CEP76: variants seen among roughly 807,000 people sequenced by gnomAD.
The protein encoded by CEP76 is centrosomal protein 76.
In CEP76, 55 loss-of-function variants were observed where a neutral mutation model predicts 83.3. The observed-to-expected ratio is 0.66, with a 90% CI of 0.53 to 0.83. The LOEUF (loss-of-function observed/expected upper bound fraction) is 0.83, where lower values mean the gene tolerates loss of function less well. CEP76 is among the 40% of genes least tolerant of loss of function. The pLI is 0.00. For synonymous variants in CEP76, 270 were observed against 274.5 expected, an observed-to-expected ratio of 0.98 and a Z score of 0.16; for missense variants, 694 against 799.5, an observed-to-expected ratio of 0.87 and a Z score of 1.59.
intron 6 of CEP76, among the ~76,000 whole-genome samples, chr18:12,693,361 T>C (rs1205081231): frequency 6.6e-6 from 1 of 151,404 alleles, no homozygotes; most frequent in African/African-American, 2.4e-5. Flanking sequence ...GAGTCTGAGG[T>C]TTCAGTGAGC....
At chr18:12,693,213 AAT>A (rs2039830697) in intron 6 of CEP76, among the ~76,000 whole-genome samples, 1 of 152,190 alleles carries the variant, frequency 6.6e-6, no homozygotes, top group Non-Finnish European at 1.5e-5. Flanking sequence ...AGAAATTATA[AAT>A]ATGACAGTGG....
At position 12,673,512 on chromosome 18, in the gene CEP76, G is replaced by GA. The variant is rs751437963; in HGVS notation, c.1842-10dup. On this transcript the variant is annotated splice_polypyrimidine_tract_variant and intron_variant, in intron 11 of 11. Transcript: ENST00000262127. ...CTTCACAGAAAGGAGATCTATTTAA[G>GA]AAAAAAAAAATTATTCAATTAAGAA... The GA allele has an allele frequency of 3.1e-3, 4,644 of 1,475,888 alleles. No individual in the cohort carries two copies. The highest frequency in any genetic ancestry group is 3.4e-3 in the Non-Finnish European group (3,721 of 1,099,598). 91.4% of individuals were successfully genotyped at this position (1,475,888 alleles called of 1,614,324 possible). A position where few individuals can be genotyped will look rare whatever the true frequency, so the allele number is the denominator to read the frequency against.
At chr18:12,693,643 C>T (rs943546239) in intron 6 of CEP76, among the ~76,000 whole-genome samples, 4 of 152,076 alleles carry the variant, frequency 2.6e-5, no homozygotes, top group Admixed American at 1.3e-4. Flanking sequence ...ATTAGCTGGG[C>T]GTGGTGGCAC....
At chr18:12,696,449 G>A (rs566603799) in intron 5 of CEP76, among the ~76,000 whole-genome samples, 227 of 152,202 alleles carry the variant, frequency 1.5e-3, no homozygotes, top group South Asian at 3.3e-3. Flanking sequence ...GTTGCAGTGA[G>A]CCGAGATTGC....
chr18:12,678,213 ATGT>A lies in CEP76; in HGVS notation c.1516_1518del (p.Thr506del), dbSNP rs781703963. 6.2e-7 allele frequency: 1 copy of A among 1,614,072 alleles called. No individual in the cohort carries two copies. The highest frequency in any genetic ancestry group is 1.3e-5 in the African/African-American group (1 of 74,950). ...CACAGAGGTGGAAAGGGAGGAAGGG[ATGT>A]TGTAGCTCCAGGAGCACACACAGAT... On this transcript the variant is annotated inframe_deletion, in exon 10 of 12. Transcript: ENST00000262127.
chr18:12,701,403 G>A (rs1214030189), intron 1 of CEP76, among the ~76,000 whole-genome samples: 1 of 152,136 alleles, frequency 6.6e-6, no homozygotes, highest in Admixed American at 6.5e-5. Flanking sequence ...GGAGTAGGCA[G>A]ATCAAAGTAT....
At chr18:12,666,687 G>A (rs949943610) in intron 12 of CEP76, among the ~76,000 whole-genome samples, 3 of 150,624 alleles carry the variant, frequency 2.0e-5, no homozygotes, top group African/African-American at 7.3e-5. Flanking sequence ...TCACTCAATT[G>A]ATCTACCTGC....
chr18:12,671,642 CTT>C (rs869130220), downstream of CEP76, among the ~76,000 whole-genome samples: 375 of 55,494 alleles, frequency 6.8e-3, no homozygotes, highest in African/African-American at 0.024. Context: ...TTCACACTTT[CTT>C]TTTTTTTTTT....
At chr18:12,669,441 T>G (rs2038884694), downstream of CEP76, among the ~76,000 whole-genome samples, 1 of 151,912 alleles carries the variant, frequency 6.6e-6, no homozygotes, top group Non-Finnish European at 1.5e-5. Context: ...AGAGATGCCA[T>G]CTCACTATGT....
chr18:12,690,057 G>A (rs893436478), intron 7 of CEP76, among the ~76,000 whole-genome samples: 3 of 151,400 alleles, frequency 2.0e-5, no homozygotes, highest in Non-Finnish European at 3.0e-5. Flanking sequence ...CCCAAGTGCT[G>A]GGATTACAGG....
intron 7 of CEP76, among the ~76,000 whole-genome samples, chr18:12,688,705 T>G (rs1568023467): frequency 1.3e-5 from 2 of 152,244 alleles, no homozygotes; most frequent in Non-Finnish European, 1.5e-5. Context: ...ATTTAAATTT[T>G]AATTAAAATT....
At position 12,691,595 on chromosome 18, in the gene CEP76, GTCA is replaced by G. The variant is rs539149681; in HGVS notation, c.805-111_805-109del. 2,567 of 729,650 alleles carry G rather than the reference GTCA, an allele frequency of 3.5e-3. 10 individuals are homozygous for G. Among genetic ancestry groups the G allele is most frequent in the Non-Finnish European group, 4.1e-3 (1,914 of 469,288 alleles). The allele number at this position is 729,650 out of a possible 1,614,324, so 45.2% of individuals were successfully genotyped here. ...CTACATCATTACCACCCTAATCTGAGTCATCATCATCTTCTATAAGAGCCTCCT... is the reference window on the plus strand; with the variant it reads ...CTACATCATTACCACCCTAATCTGAGTCATCATCTTCTATAAGAGCCTCCT... On this transcript the variant is annotated intron_variant, in intron 6 of 11. Coordinates refer to ENST00000262127, the MANE Select transcript of CEP76 (RefSeq NM_024899.4).
At chr18:12,668,732 TCC>T (rs1462815431), downstream of CEP76, among the ~76,000 whole-genome samples, 33 of 138,012 alleles carry the variant, frequency 2.4e-4, no homozygotes, top group Non-Finnish European at 3.9e-4. Flanking sequence ...TACACTTTAT[TCC>T]TTTTTTTTTT....
intron 5 of CEP76, among the ~76,000 whole-genome samples, chr18:12,696,809 G>A (rs1480121807): frequency 1.3e-5 from 2 of 152,112 alleles, no homozygotes; most frequent in Admixed American, 6.6e-5. Flanking sequence ...AAAAGGTTGG[G>A]AGAACATCTA....
downstream of CEP76, chr18:12,672,620 G>C (rs745490090): frequency 1.7e-4 from 166 of 978,384 alleles, no homozygotes; most frequent in Non-Finnish European, 1.9e-4. Flanking sequence ...TCTGACCACA[G>C]AAAATCAGTG....
chr18:12,683,186 C>CAAAAAAACAAAAAAAAAAAAA (rs2039410827), intron 8 of CEP76, among the ~76,000 whole-genome samples: 1 of 63,662 alleles, frequency 1.6e-5, no homozygotes, highest in Non-Finnish European at 3.1e-5. Context: ...CTAAAAATAC[C>CAAAAAAACAAAAAAAAAAAAA]AAAAAAAAAA....
intron 7 of CEP76, among the ~76,000 whole-genome samples, chr18:12,690,725 G>A (rs1403869978): frequency 1.3e-5 from 2 of 152,142 alleles, no homozygotes; most frequent in African/African-American, 4.8e-5. Context: ...CAAGTGCTGG[G>A]ATTACAGGCG....
chr18:12,675,878 A>G (rs906138838), intron 10 of CEP76, among the ~76,000 whole-genome samples: 1 of 152,052 alleles, frequency 6.6e-6, no homozygotes, highest in Admixed American at 6.6e-5. Flanking sequence ...CATGTTGGCC[A>G]GGCTGGTCTC....
At chr18:12,698,913 A>G in intron 4 of CEP76, 66 bp downstream of exon 4, 2 of 1,167,490 alleles carry the variant, frequency 1.7e-6, no homozygotes, top group Non-Finnish European at 2.4e-6. Context: ...AGTCATTATT[A>G]TTGTTTCACA....
Sources: allele counts gnomAD v4.1 joint callset (sites outside exome capture counted in the v4.1 genomes callset), GRCh38; gene constraint gnomAD v4.1.1; transcripts MANE v1.5; gene names NCBI Gene and HGNC (gene_info 2026-07-23, HGNC 2026-07-21).